MGAT4C: variants seen among roughly 807,000 people sequenced by gnomAD.
The protein encoded by MGAT4C is alpha-1,3-mannosyl-glycoprotein 4-beta-N-acetylglucosaminyltransferase C.
A neutral mutation model predicts 40.1 loss-of-function variants in MGAT4C; 19 were observed. The ratio of observed to expected loss-of-function variants is 0.47; its 90% CI spans 0.33 to 0.70. The LOEUF is 0.70. MGAT4C is among the 30% of genes least tolerant of loss of function. MGAT4C has a pLI of 0.02. For missense variants in MGAT4C, 491 were observed against 563.2 expected (o/e 0.87, Z 1.30); for synonymous variants, 181 against 187.1 (o/e 0.97, Z 0.27).
intron 2 of MGAT4C, among the ~76,000 whole-genome samples, chr12:86,510,365 G>A (rs991002150): frequency 6.6e-5 from 10 of 152,052 alleles, no homozygotes; most frequent in African/African-American, 2.4e-4. Context: ...AGGAAAAACC[G>A]GTACTAGCCA....
chr12:86,406,023 A>G (rs1452314815), intron 3 of MGAT4C, among the ~76,000 whole-genome samples: 2 of 144,248 alleles, frequency 1.4e-5, no homozygotes, highest in East Asian at 2.0e-4. Context: ...ATACAAATAC[A>G]TATTATATAC....
At position 86,807,296 on chromosome 12, in the gene MGAT4C, G is replaced by A. The variant is rs114139163; in HGVS notation, c.-262+31370C>T. 7.0e-3 allele frequency among the ~76,000 whole-genome samples: 1,067 copies of A among 151,930 alleles called. 11 individuals carry two copies. The highest frequency in any genetic ancestry group is 0.024 in the African/African-American group (1,014 of 41,460). On this transcript the variant is annotated intron_variant, in intron 1 of 7. Coordinates refer to the MGAT4C transcript ENST00000548651. ...CTTCCCCCACTCCACCCTCAGACAG[G>A]CCCCAGTGTGTGCTGCGCCCCAGTG...
At chr12:86,133,757 G>A (rs1263883370) in intron 1 of MGAT4C, among the ~76,000 whole-genome samples, 2 of 152,010 alleles carry the variant, frequency 1.3e-5, no homozygotes, top group Non-Finnish European at 2.9e-5. Flanking sequence ...ATTCAGTTAA[G>A]TAAAAGTGTT....
At chr12:86,120,103 A>C (rs1879123909) in intron 1 of MGAT4C, among the ~76,000 whole-genome samples, 1 of 151,900 alleles carries the variant, frequency 6.6e-6, no homozygotes, top group South Asian at 2.1e-4. Context: ...CTTATGATTA[A>C]ATATGTTACC....
In MGAT4C at chr12:86,443,768, T is replaced by C. The variant is rs192210908; in HGVS notation, c.-228-8503A>G. 1.7e-3 allele frequency among the ~76,000 whole-genome samples: 266 copies of C among 152,126 alleles called. 2 individuals carry two copies. Among genetic ancestry groups the C allele is most frequent in the African/African-American group, 6.1e-3 (252 of 41,516 alleles). On this transcript the variant is annotated intron_variant, in intron 2 of 7. Coordinates refer to the MGAT4C transcript ENST00000548651. ...GCCACCATGTCAGGCTAATTTTTTG[T>C]ATTTTTTAGTAGAGACAGGGTTTCG... is the stretch of plus-strand genomic sequence containing the variant.
intron 3 of MGAT4C, among the ~76,000 whole-genome samples, chr12:86,379,626 G>GAAAA (rs991262510): frequency 1.3e-5 from 2 of 151,642 alleles, no homozygotes; most frequent in African/African-American, 4.8e-5. Flanking sequence ...ATGAGCAAAG[G>GAAAA]AAAAAAACTG....
chr12:86,101,908 C>G (rs927725123), intron 1 of MGAT4C, among the ~76,000 whole-genome samples: 1 of 151,914 alleles, frequency 6.6e-6, no homozygotes, highest in Non-Finnish European at 1.5e-5. Flanking sequence ...AAGTTGAAAA[C>G]CTCCTACTGA....
chr12:86,800,547 G>A (rs1306573822), intron 1 of MGAT4C, among the ~76,000 whole-genome samples: 3 of 151,912 alleles, frequency 2.0e-5, no homozygotes, highest in African/African-American at 4.8e-5. Context: ...TATAGGTCCT[G>A]CTCATGCAGA....
chr12:86,502,664 C>CATATATATACACGAGATCTGCTCAT, intron 2 of MGAT4C, among the ~76,000 whole-genome samples: 1 of 146,094 alleles, frequency 6.8e-6, no homozygotes, highest in South Asian at 2.2e-4. Context: ...GATTTCTGCT[C>CATATATATACACGAGATCTGCTCAT]ATATATATAC....
intron 3 of MGAT4C, among the ~76,000 whole-genome samples, chr12:86,335,436 G>A (rs1032440836): frequency 6.6e-6 from 1 of 151,950 alleles, no homozygotes; most frequent in Non-Finnish European, 1.5e-5. Context: ...GAGAGTATAA[G>A]CCTAACTTAG....
chr12:86,787,388 G>A (rs546504749), intron 1 of MGAT4C, among the ~76,000 whole-genome samples: 98 of 152,132 alleles, frequency 6.4e-4, no homozygotes, highest in Admixed American at 4.7e-3. Flanking sequence ...TGTTGATTGA[G>A]TCGATTCCAT....
intron 1 of MGAT4C, among the ~76,000 whole-genome samples, chr12:86,783,141 A>G (rs1280496242): frequency 6.6e-6 from 1 of 152,142 alleles, no homozygotes; most frequent in Non-Finnish European, 1.5e-5. Flanking sequence ...TTCCATCATC[A>G]TTTTCACTTT....
intron 2 of MGAT4C, among the ~76,000 whole-genome samples, chr12:86,569,655 A>G (rs1358189448): frequency 6.6e-6 from 1 of 152,134 alleles, no homozygotes; most frequent in Admixed American, 6.6e-5. Flanking sequence ...CTAAAAATAG[A>G]AGTACCAAAA....
intron 1 of MGAT4C, among the ~76,000 whole-genome samples, chr12:86,752,134 T>C (rs926083111): frequency 3.9e-5 from 6 of 152,034 alleles, no homozygotes; most frequent in African/African-American, 1.4e-4. Flanking sequence ...ATGTATTTTA[T>C]ATAGAAAAGT....
At chr12:86,741,469 C>CA (rs1236378592) in intron 1 of MGAT4C, among the ~76,000 whole-genome samples, 3 of 151,202 alleles carry the variant, frequency 2.0e-5, no homozygotes, top group African/African-American at 4.8e-5. Context: ...AGTAACTAAA[C>CA]AAAAAAGTGG....
At chr12:86,008,568 A>G (rs536154537) in intron 2 of MGAT4C, among the ~76,000 whole-genome samples, 1 of 152,218 alleles carries the variant, frequency 6.6e-6, no homozygotes, top group Non-Finnish European at 1.5e-5. Flanking sequence ...TCCAATCTCT[A>G]AGACTTCAAC....
intron 2 of MGAT4C, among the ~76,000 whole-genome samples, chr12:86,519,866 T>C (rs1958762270): frequency 1.3e-5 from 2 of 152,154 alleles, no homozygotes; most frequent in African/African-American, 4.8e-5. Flanking sequence ...TTACTTTACT[T>C]CTTTTCTTCT....
intron 1 of MGAT4C, among the ~76,000 whole-genome samples, chr12:86,116,086 A>G (rs1388803923): frequency 2.6e-5 from 4 of 152,010 alleles, no homozygotes; most frequent in Non-Finnish European, 5.9e-5. Flanking sequence ...TTGATATGTC[A>G]AAGAATAGCA....
At chr12:86,041,797 G>C (rs1204250732) in intron 2 of MGAT4C, among the ~76,000 whole-genome samples, 1 of 152,142 alleles carries the variant, frequency 6.6e-6, no homozygotes, top group Non-Finnish European at 1.5e-5. Flanking sequence ...ATATTCTGTT[G>C]TTTTTGGGTG....
Sources: allele counts gnomAD v4.1 joint callset (sites outside exome capture counted in the v4.1 genomes callset), GRCh38; gene constraint gnomAD v4.1.1; transcripts MANE v1.5; gene names NCBI Gene and HGNC (gene_info 2026-07-23, HGNC 2026-07-21).